Variants in KCNMA1 observed in about 807,000 individuals in gnomAD.
KCNMA1 encodes the protein potassium calcium-activated channel subfamily M alpha 1.
A neutral mutation model predicts 140.0 loss-of-function variants in KCNMA1; 29 were observed. The observed-to-expected ratio is 0.21, with a 90% confidence interval of 0.15 to 0.28. The LOEUF is 0.28. Among genes scored for constraint, KCNMA1 ranks in the 10% least tolerant of loss-of-function variants. KCNMA1 has a pLI of 1.00. For synonymous variants in KCNMA1, 612 were observed against 611.9 expected (o/e 1.00, Z 0.00); for missense variants, 880 against 1,602.2 (o/e 0.55, Z 7.70).
chr10:77,028,969 C>T lies in KCNMA1; in HGVS notation c.1860-1078G>A, dbSNP rs992517169. On this transcript the variant is annotated intron_variant, in intron 15 of 27. Coordinates refer to ENST00000286628, the MANE Select transcript of KCNMA1 (RefSeq NM_001161352.2). ...ACAACCTAAATGTCCAATAATAAGGCCATAAAGTACAGTGCAATATGGTAC... is the reference window on the plus strand; with the variant it reads ...ACAACCTAAATGTCCAATAATAAGGTCATAAAGTACAGTGCAATATGGTAC... Among the ~76,000 whole-genome samples, 15 of 152,134 alleles carry T rather than the reference C, an allele frequency of 9.9e-5. No homozygotes were observed. The South Asian group carries it at 1.0e-3, about 11-fold the overall frequency.
chr10:77,496,319 G>A (rs941663446), intron 1 of KCNMA1, among the ~76,000 whole-genome samples: 4 of 152,084 alleles, frequency 2.6e-5, no homozygotes, highest in African/African-American at 4.8e-5. Context: ...GGACAGGGCC[G>A]GGCACGGTGG....
At chr10:77,109,671 G>GTC (rs1240790702) in intron 8 of KCNMA1, among the ~76,000 whole-genome samples, 2 of 152,156 alleles carry the variant, frequency 1.3e-5, no homozygotes, top group East Asian at 3.9e-4. Flanking sequence ...CAAGACTAAG[G>GTC]TGCTCTCTCT....
intron 1 of KCNMA1, among the ~76,000 whole-genome samples, chr10:77,602,760 C>A (rs2083062744): frequency 6.6e-6 from 1 of 152,180 alleles, no homozygotes; most frequent in Non-Finnish European, 1.5e-5. Context: ...CTCCAGCAGC[C>A]CCTCCTGCCA....
intron 2 of KCNMA1, chr10:77,373,861 G>A (rs1023610330): frequency 1.1e-4 from 16 of 152,176 alleles, no homozygotes; most frequent in African/African-American, 3.9e-4. Context: ...TGACCCTGAA[G>A]GTTCAAGCAG....
chr10:77,347,826 A>G (rs950117917), intron 2 of KCNMA1, among the ~76,000 whole-genome samples: 1 of 152,234 alleles, frequency 6.6e-6, no homozygotes, highest in Non-Finnish European at 1.5e-5. Context: ...GCTACCATAT[A>G]TAGAATACAT....
intron 23 of KCNMA1, among the ~76,000 whole-genome samples, chr10:76,915,487 C>T (rs2052423841): frequency 6.6e-6 from 1 of 152,174 alleles, no homozygotes; most frequent in East Asian, 1.9e-4. Flanking sequence ...GCCATGGCAA[C>T]TGTGAGAATA....
downstream of KCNMA1, chr10:76,874,679 T>A (rs2032034295): frequency 6.6e-6 from 1 of 152,192 alleles, no homozygotes. Context: ...TCAATCAATT[T>A]TTTTACAAAG....
At chr10:77,437,828 G>A (rs189699683) in intron 1 of KCNMA1, among the ~76,000 whole-genome samples, 49 of 152,218 alleles carry the variant, frequency 3.2e-4, no homozygotes, top group African/African-American at 8.4e-4. Context: ...GACTCGGGTC[G>A]TCTTCCTTAA....
chr10:77,583,554 C>G (rs1281031013), intron 1 of KCNMA1, among the ~76,000 whole-genome samples: 3 of 152,202 alleles, frequency 2.0e-5, no homozygotes, highest in African/African-American at 7.2e-5. Flanking sequence ...CTGAGTAATA[C>G]AACAGCAGTC....
chr10:77,132,549 G>A (rs999930833), intron 5 of KCNMA1, among the ~76,000 whole-genome samples: 6 of 149,136 alleles, frequency 4.0e-5, no homozygotes, highest in Non-Finnish European at 7.4e-5. Context: ...TTTTGAGATG[G>A]AGTCTGGCAC....
intron 3 of KCNMA1, among the ~76,000 whole-genome samples, chr10:77,222,383 C>T (rs2049975052): frequency 6.6e-6 from 1 of 152,190 alleles, no homozygotes; most frequent in South Asian, 2.1e-4. Context: ...ACTGTCTCTA[C>T]CTACTACTCC....
chr10:77,059,543 A>G (rs1018039756), intron 14 of KCNMA1, among the ~76,000 whole-genome samples: 5 of 152,146 alleles, frequency 3.3e-5, no homozygotes, highest in African/African-American at 1.2e-4. Context: ...GGCTGGTTCA[A>G]TATTGTATAA....
intron 1 of KCNMA1, among the ~76,000 whole-genome samples, chr10:77,626,196 A>G (rs1267126805): frequency 6.6e-6 from 1 of 152,164 alleles, no homozygotes; most frequent in African/African-American, 2.4e-5. Context: ...AGGGTTGTGA[A>G]AGAACTTAAG....
At chr10:77,554,682 A>T (rs1002518484) in intron 1 of KCNMA1, among the ~76,000 whole-genome samples, 2 of 152,054 alleles carry the variant, frequency 1.3e-5, no homozygotes, top group Non-Finnish European at 2.9e-5. Flanking sequence ...GGAAATGAGG[A>T]AGACTAAGGA....
intron 24 of KCNMA1, chr10:76,914,156 T>C: frequency 2.0e-6 from 3 of 1,534,722 alleles, no homozygotes; most frequent in Non-Finnish European, 2.6e-6. Flanking sequence ...ATACAGCATT[T>C]AAGGGTTGGG....
chr10:77,510,783 A>C (rs816837), intron 1 of KCNMA1, among the ~76,000 whole-genome samples: 93,859 of 152,044 alleles, frequency 0.62, 30,161 homozygotes, highest in East Asian at 0.8. Context: ...GAGCAACAAG[A>C]AAGGCCCTGC....
chr10:77,544,667 T>C (rs2060994986), intron 1 of KCNMA1, among the ~76,000 whole-genome samples: 1 of 152,204 alleles, frequency 6.6e-6, no homozygotes, highest in Non-Finnish European at 1.5e-5. Context: ...CACTATAGTT[T>C]TGCCCGTCTT....
intron 8 of KCNMA1, among the ~76,000 whole-genome samples, chr10:77,109,257 C>G (rs1272509174): frequency 6.6e-6 from 1 of 152,170 alleles, no homozygotes; most frequent in Non-Finnish European, 1.5e-5. Context: ...CATGCATGTG[C>G]ACATTTATAT....
intron 3 of KCNMA1, among the ~76,000 whole-genome samples, chr10:77,202,022 C>A (rs2042651585): frequency 6.6e-6 from 1 of 152,182 alleles, no homozygotes; most frequent in South Asian, 2.1e-4. Flanking sequence ...TAAACTATTT[C>A]AAAATGAAGT....
Sources: allele counts gnomAD v4.1 joint callset (sites outside exome capture counted in the v4.1 genomes callset), GRCh38; gene constraint gnomAD v4.1.1; transcripts MANE v1.5; gene names NCBI Gene and HGNC (gene_info 2026-07-23, HGNC 2026-07-21).